The following ADGRL2 variants were observed in gnomAD, a reference collection of about 807,000 sequenced individuals.
ADGRL2 encodes calcium-independent alpha-latrotoxin receptor 2.
ADGRL2 carries 44 observed loss-of-function variants against 157.4 expected under a neutral mutation model. That is an observed-to-expected ratio of 0.28 (90% confidence interval 0.22 to 0.36). The LOEUF (loss-of-function observed/expected upper bound fraction) is 0.36, where lower values mean the gene tolerates loss of function less well. Among genes scored for constraint, ADGRL2 ranks in the 10% least tolerant of loss-of-function variants. The pLI is 1.00. For synonymous variants in ADGRL2, 585 were observed against 624.7 expected (o/e 0.94, Z 0.95); for missense variants, 1,510 against 1,768.9 (o/e 0.85, Z 2.63).
intron 13 of ADGRL2, 82 bp downstream of exon 13, chr1:81,966,691 G>A: frequency 8.3e-7 from 1 of 1,205,586 alleles, no homozygotes; most frequent in Non-Finnish European, 1.2e-6. Context: ...GCTGGGGATG[G>A]GGAGAGAACT....
rs74095937 is a variant in ADGRL2 at position 81,828,492 on chromosome 1, A to G, written c.-100-8393A>G. ...TTTTTCCTGAAAGTTTTCTGAATTG[A>G]AACATTTTAAAAACCATTAAAATGT... On this transcript the variant is annotated intron_variant, in intron 1 of 23. Coordinates refer to ENST00000686636, the MANE Select transcript of ADGRL2 (RefSeq NM_001366006.2). Among the ~76,000 whole-genome samples, 521 of 152,256 alleles carry G rather than the reference A, an allele frequency of 3.4e-3. 4 individuals are homozygous for G. Among genetic ancestry groups the G allele is most frequent in the African/African-American group, 0.012 (501 of 41,536 alleles).
rs778191818 is a variant in ADGRL2 at position 81,949,420 on chromosome 1, C to T, written c.1211-769C>T. Among the ~76,000 whole-genome samples the T allele has an allele frequency of 3.9e-5, 6 of 152,252 alleles. 1 individual carries two copies. The South Asian group carries it at 8.3e-4, about 21-fold the overall frequency. On this transcript the variant is annotated intron_variant, in intron 6 of 23. Transcript: ENST00000686636. ...AACATTTTTGCTTTTAAATGTGTAACGATAGTTCTTTTAAATTCTCTGTTA... is the reference window on the plus strand; with the variant it reads ...AACATTTTTGCTTTTAAATGTGTAATGATAGTTCTTTTAAATTCTCTGTTA...
At chr1:81,509,730 C>T (rs1209525509) in intron 2 of ADGRL2, among the ~76,000 whole-genome samples, 1 of 152,210 alleles carries the variant, frequency 6.6e-6, no homozygotes, top group African/African-American at 2.4e-5. Flanking sequence ...CAACAACTGG[C>T]ATGAAGCTGA....
chr1:81,743,312 T>A (rs990892547), intron 1 of ADGRL2, among the ~76,000 whole-genome samples: 1 of 151,150 alleles, frequency 6.6e-6, no homozygotes, highest in Admixed American at 6.6e-5. Context: ...TCAGCAGCAA[T>A]GGCTGCAGCT....
chr1:81,597,848 T>A (rs1419677769), intron 3 of ADGRL2, among the ~76,000 whole-genome samples: 1 of 151,934 alleles, frequency 6.6e-6, no homozygotes, highest in African/African-American at 2.4e-5. Context: ...TGATAGGGAG[T>A]GTGGAATGAG....
chr1:81,596,102 C>CT (rs34056607), intron 3 of ADGRL2: 1,350 of 340,214 alleles, frequency 4.0e-3, no homozygotes, highest in South Asian at 0.01. Flanking sequence ...GAACTAGGAT[C>CT]TTTTTTTTTT....
At position 81,966,072 on chromosome 1, in the gene ADGRL2, G is replaced by A. The variant is rs142415541; in HGVS notation, c.2032G>A (p.Val678Ile). ...CCCTCATCCAGTCCTGGAAGTTGCCGTACTCAGTACAGAAGGACAGATCCA... is the reference window on the plus strand; with the variant it reads ...CCCTCATCCAGTCCTGGAAGTTGCCATACTCAGTACAGAAGGACAGATCCA... ...PTENIVLEVA[V>I]LSTEGQIQDF... The change falls in exon 12 of 24, where the codon GTA becomes ATA. Residue 678 changes from valine to isoleucine, a missense_variant. Val to Ile is a conservative substitution (Grantham distance 29). This residue lies in a region of ADGRL2 where 325 missense variants were observed against 333.2 expected (regional missense o/e 0.98). Transcript: ENST00000686636. The A allele has an allele frequency of 9.3e-6, 15 of 1,613,484 alleles. No homozygotes were observed. The highest frequency in any genetic ancestry group is 3.3e-5 in the Admixed American group (2 of 59,954).
chr1:81,513,618 C>A (rs1337504915), intron 2 of ADGRL2, among the ~76,000 whole-genome samples: 1 of 152,054 alleles, frequency 6.6e-6, no homozygotes, highest in Admixed American at 6.6e-5. Flanking sequence ...GAAACAGAAC[C>A]GAGACACAAT....
intron 3 of ADGRL2, among the ~76,000 whole-genome samples, chr1:81,660,591 T>G (rs2148877652): frequency 6.6e-6 from 1 of 152,266 alleles, no homozygotes; most frequent in South Asian, 2.1e-4. Flanking sequence ...TGGTGAAAAT[T>G]TATAGAACTT....
At chr1:81,711,403 A>T (rs574714373) in intron 1 of ADGRL2, among the ~76,000 whole-genome samples, 5 of 152,334 alleles carry the variant, frequency 3.3e-5, no homozygotes, top group Admixed American at 2.0e-4. Context: ...CATTTATCTC[A>T]TAAGTGCTTT....
intron 1 of ADGRL2, among the ~76,000 whole-genome samples, chr1:81,390,358 G>A (rs1293824053): frequency 1.3e-4 from 20 of 152,406 alleles, no homozygotes; most frequent in South Asian, 1.2e-3. Flanking sequence ...TGGGAGAGCT[G>A]CAGAATAACT....
chr1:81,509,144 G>A (rs992162370), intron 2 of ADGRL2, among the ~76,000 whole-genome samples: 5 of 152,096 alleles, frequency 3.3e-5, no homozygotes, highest in Non-Finnish European at 7.4e-5. Flanking sequence ...CTAGAGTAAT[G>A]GAGTATGGTA....
chr1:81,886,793 A>C (rs865832081), intron 2 of ADGRL2, among the ~76,000 whole-genome samples: 1 of 152,198 alleles, frequency 6.6e-6, no homozygotes, highest in South Asian at 2.1e-4. Flanking sequence ...GTTTTCATAT[A>C]CTCTTTTAAA....
chr1:81,359,344 C>T (rs1209727307), intron 1 of ADGRL2, among the ~76,000 whole-genome samples: 1 of 152,068 alleles, frequency 6.6e-6, no homozygotes, highest in African/African-American at 2.4e-5. Context: ...AGACAGACTG[C>T]TGTCCATGTA....
chr1:81,943,397 A>G lies in ADGRL2; in HGVS notation c.838A>G (p.Ile280Val), dbSNP rs2148957456. The G allele has an allele frequency of 3.1e-6, 5 of 1,613,776 alleles. No individual in the cohort carries two copies. Among genetic ancestry groups the G allele is most frequent in the Non-Finnish European group, 4.2e-6 (5 of 1,179,778 alleles). ...AGTTGATGAAAATGGTTTATGGGTC[A>G]TTTACGCCACTGAACAGAACAATGG... ...LAVDENGLWV[I>V]YATEQNNGMI... The change falls in exon 6 of 24, where the codon ATT becomes GTT. Residue 280 changes from isoleucine (I) to valine (V), a missense_variant. This residue lies in a region of ADGRL2 where 361 missense variants were observed against 498.4 expected (regional missense o/e 0.72). Transcript: ENST00000686636. The surrounding 1 kb of genome is among the most constrained non-coding windows in gnomAD (Gnocchi z 5.6).
intron 2 of ADGRL2, among the ~76,000 whole-genome samples, chr1:81,870,909 TC>T (rs1431323618): frequency 1.3e-5 from 2 of 151,066 alleles, no homozygotes; most frequent in African/African-American, 4.9e-5. Context: ...TGTTAATCTT[TC>T]CTTTTTTTTT....
At chr1:81,781,413 T>C (rs2086807241) in intron 2 of ADGRL2, among the ~76,000 whole-genome samples, 1 of 152,182 alleles carries the variant, frequency 6.6e-6, no homozygotes, top group Non-Finnish European at 1.5e-5. Flanking sequence ...TATGTAGAAC[T>C]GTTTTTAGAG....
At chr1:81,501,760 T>C in intron 2 of ADGRL2, 1 of 1,609,486 alleles carries the variant, frequency 6.2e-7, no homozygotes, top group Non-Finnish European at 8.5e-7. Context: ...GGGTGAAGCT[T>C]GAGGCAAAAA....
At chr1:81,983,092 G>A (rs990560698) in intron 19 of ADGRL2, among the ~76,000 whole-genome samples, 6 of 151,916 alleles carry the variant, frequency 3.9e-5, no homozygotes, top group East Asian at 1.9e-4. Context: ...TTGTGCTGTT[G>A]TGCCAAACAT....
Sources: allele counts gnomAD v4.1 joint callset (sites outside exome capture counted in the v4.1 genomes callset), GRCh38; gene constraint gnomAD v4.1.1; regional missense constraint gnomAD v4.1.1; non-coding constraint Gnocchi (gnomAD v3.1); transcripts MANE v1.5; gene names NCBI Gene and HGNC (gene_info 2026-07-23, HGNC 2026-07-21).